TMEM170B: variants seen among roughly 807,000 people sequenced by gnomAD.
The protein encoded by TMEM170B is transmembrane protein 170B.
A neutral mutation model predicts 13.0 loss-of-function variants in TMEM170B; 6 were observed. The observed-to-expected ratio is 0.46, with a 90% CI of 0.25 to 0.91. The LOEUF is 0.91. Among genes scored for constraint, TMEM170B ranks in the 40% least tolerant of loss-of-function variants. TMEM170B has a pLI of 0.17. For missense variants in TMEM170B, 138 were observed against 165.2 expected (o/e 0.84, Z 0.90); for synonymous variants, 61 against 64.9 (o/e 0.94, Z 0.29).
intron 1 of TMEM170B, among the ~76,000 whole-genome samples, chr6:11,548,765 C>T (rs1347758854): frequency 1.3e-5 from 2 of 152,084 alleles, no homozygotes; most frequent in African/African-American, 4.8e-5. Flanking sequence ...GAGTTCATGT[C>T]CTTTGTAGGG....
At position 11,545,280 on chromosome 6, in the gene TMEM170B, C is replaced by CTCTCTG. The variant is rs1442789332; in HGVS notation, c.97+6907_97+6908insCTCTGT. On this transcript the variant is annotated intron_variant, in intron 1 of 2. Transcript: ENST00000379426. ...TTAAAAGGCTTCTCTCTCTCTCTCT[C>CTCTCTG]TGTGTGTGTGTGTGTGTGTGTGTGT... Among the ~76,000 whole-genome samples, 1,193 of 139,784 alleles carry CTCTCTG rather than the reference C, an allele frequency of 8.5e-3. 14 individuals carry two copies. Among genetic ancestry groups the CTCTCTG allele is most frequent in the African/African-American group, 0.029 (1,083 of 37,346 alleles). 91.7% of individuals were successfully genotyped at this position (139,784 alleles called of 152,430 possible).
intron 1 of TMEM170B, among the ~76,000 whole-genome samples, chr6:11,552,923 G>A (rs1212732773): frequency 6.6e-6 from 1 of 152,168 alleles, no homozygotes; most frequent in Non-Finnish European, 1.5e-5. Context: ...TGTGGTCTGG[G>A]TTGTAAATCA....
At chr6:11,539,553 C>G (rs1759331777) in intron 1 of TMEM170B, among the ~76,000 whole-genome samples, 1 of 152,124 alleles carries the variant, frequency 6.6e-6, no homozygotes. Context: ...CTGGTTTCTT[C>G]GAATGGAAAC....
rs1171412446 is a variant in TMEM170B at position 11,580,981 on chromosome 6, GTGT to G, written c.*5425_*5427del. The G allele has an allele frequency of 4.6e-5, 7 of 152,328 alleles. No homozygotes were observed. Among genetic ancestry groups the G allele is most frequent in the African/African-American group, 1.7e-4 (7 of 41,578 alleles). The allele number at this position is 152,328 out of a possible 1,614,324, so 9.4% of individuals were successfully genotyped here. On this transcript the variant is annotated 3_prime_UTR_variant, in exon 3 of 3. Coordinates refer to ENST00000379426, the MANE Select transcript of TMEM170B (RefSeq NM_001100829.3). ...AGCTCTGGTCTGTGTAGGCAGTACA[GTGT>G]TGTTAGGGAGGTTGCTGAATTATCT...
In TMEM170B at chr6:11,582,794, A is replaced by G. The variant is rs888643807; in HGVS notation, c.*7233A>G. 1 of 152,192 alleles carries G rather than the reference A, an allele frequency of 6.6e-6. No homozygotes were observed. Among genetic ancestry groups the G allele is most frequent in the South Asian group, 2.1e-4 (1 of 4,830 alleles). The allele number at this position is 152,192 out of a possible 1,614,324, so 9.4% of individuals were successfully genotyped here. On this transcript the variant is annotated 3_prime_UTR_variant, in exon 3 of 3. Coordinates refer to ENST00000379426, the MANE Select transcript of TMEM170B (RefSeq NM_001100829.3). ...ATAAATGTTGGAGGGGTAATACACA[A>G]AAACAAAGGCATATTTGATGAAGTA...
At chr6:11,547,769 C>G (rs1561907525) in intron 1 of TMEM170B, among the ~76,000 whole-genome samples, 1 of 152,110 alleles carries the variant, frequency 6.6e-6, no homozygotes, top group Non-Finnish European at 1.5e-5. Flanking sequence ...TTCATATCCT[C>G]TAGCAATACC....
rs143594666 is a variant in TMEM170B, at chr6:11,556,978, A to G, written c.98-8688A>G. On this transcript the variant is annotated intron_variant, in intron 1 of 2. Transcript: ENST00000379426. ...CTATGATCCAGTCTTTCCAGGGAGC[A>G]CTCAGTAGAGACCTGTGGAAAAGCA... 1.1e-3 allele frequency among the ~76,000 whole-genome samples: 171 copies of G among 152,238 alleles called. 3 individuals carry two copies. The East Asian group carries it at 0.025, about 23-fold the overall frequency.
rs142475670 is a variant in TMEM170B, at chr6:11,578,046, A to G, written c.*2485A>G. The stretch of plus-strand genomic sequence containing the variant: ...TATACACACACGTATATATCATTAT[A>G]TAGGTATATAGAGAGCTGCTATATA... On this transcript the variant is annotated 3_prime_UTR_variant, in exon 3 of 3. Coordinates refer to ENST00000379426, the MANE Select transcript of TMEM170B (RefSeq NM_001100829.3). The G allele has an allele frequency of 2.4e-4, 37 of 152,266 alleles. No homozygotes were observed. Among genetic ancestry groups the G allele is most frequent in the African/African-American group, 7.9e-4 (33 of 41,586 alleles). The allele number at this position is 152,266 out of a possible 1,614,324, so 9.4% of individuals were successfully genotyped here.
chr6:11,571,867 A>C (rs974088301), intron 2 of TMEM170B, among the ~76,000 whole-genome samples: 1 of 152,176 alleles, frequency 6.6e-6, no homozygotes, highest in Non-Finnish European at 1.5e-5. Flanking sequence ...CCGGTAGAAA[A>C]GTGAATAAAG....
At chr6:11,572,271 T>A (rs1422752969) in intron 2 of TMEM170B, among the ~76,000 whole-genome samples, 4 of 152,136 alleles carry the variant, frequency 2.6e-5, no homozygotes, top group Non-Finnish European at 5.9e-5. Context: ...CAAAGACATG[T>A]TGTTGGCCAT....
At chr6:11,572,089 A>G (rs947788311) in intron 2 of TMEM170B, among the ~76,000 whole-genome samples, 1 of 152,224 alleles carries the variant, frequency 6.6e-6, no homozygotes, top group African/African-American at 2.4e-5. Context: ...CAGCTAATTT[A>G]GAAAAATAAT....
In TMEM170B at chr6:11,575,477, C is replaced by G. The variant is rs1360141011; in HGVS notation, c.315C>G (p.Ala105=). ...GIYRVAGKNM[A]PLEALVWGVG... is the part of the protein sequence containing the mutation. ...ACAGAGTAGCTGGGAAGAACATGGCCCCTTTGGAAGCGCTGGTATGGGGCG... is the reference window on the plus strand; with the variant it reads ...ACAGAGTAGCTGGGAAGAACATGGCGCCTTTGGAAGCGCTGGTATGGGGCG... Residue 105 remains alanine, a synonymous_variant, in exon 3 of 3, where the codon GCC becomes GCG. Coordinates refer to ENST00000379426, the MANE Select transcript of TMEM170B (RefSeq NM_001100829.3). The surrounding 1 kb of genome is among the most constrained non-coding windows in gnomAD (Gnocchi z 4.1). 3.7e-6 allele frequency: 6 copies of G among 1,613,322 alleles called. No homozygotes were observed. Among genetic ancestry groups the G allele is most frequent in the Middle Eastern group, 3.3e-4 (2 of 6,040 alleles).
intron 1 of TMEM170B, among the ~76,000 whole-genome samples, chr6:11,553,051 T>C (rs1257176769): frequency 6.6e-6 from 1 of 152,110 alleles, no homozygotes; most frequent in Non-Finnish European, 1.5e-5. Flanking sequence ...GCTTCCTTAA[T>C]CTTAGTTTCG....
intron 1 of TMEM170B, among the ~76,000 whole-genome samples, chr6:11,546,747 C>T (rs189610951): frequency 6.6e-6 from 1 of 152,070 alleles, no homozygotes; most frequent in African/African-American, 2.4e-5. Flanking sequence ...ACCATATAGC[C>T]TAAATGGAAT....
intron 2 of TMEM170B, among the ~76,000 whole-genome samples, chr6:11,567,249 C>T (rs200526170): frequency 6.6e-6 from 1 of 152,178 alleles, no homozygotes; most frequent in Non-Finnish European, 1.5e-5. Context: ...TGCCAGGAAC[C>T]GGGTGCCTCT....
At position 11,538,045 on chromosome 6, in the gene TMEM170B, G is replaced by T. The variant is rs1759303451; in HGVS notation, c.-233G>T. Reference sequence around the variant, plus strand: ...GCCCCCTCCCCTCCTTCCTCCGTCCGCCGTCCTCAATGTCTCCCCGGCGGG... The same window carrying T: ...GCCCCCTCCCCTCCTTCCTCCGTCCTCCGTCCTCAATGTCTCCCCGGCGGG... On this transcript the variant is annotated 5_prime_UTR_variant, in exon 1 of 3. Transcript: ENST00000379426. Among the ~76,000 whole-genome samples the T allele has an allele frequency of 6.6e-6, 1 of 151,212 alleles. No homozygotes were observed.
In TMEM170B at chr6:11,576,764, A is replaced by G. The variant is rs998474313; in HGVS notation, c.*1203A>G. 6.6e-6 allele frequency: 1 copy of G among 152,174 alleles called. No individual in the cohort carries two copies. Among genetic ancestry groups the G allele is most frequent in the Non-Finnish European group, 1.5e-5 (1 of 67,992 alleles). The allele number at this position is 152,174 out of a possible 1,614,324, so 9.4% of individuals were successfully genotyped here. On this transcript the variant is annotated 3_prime_UTR_variant, in exon 3 of 3. Coordinates refer to ENST00000379426, the MANE Select transcript of TMEM170B (RefSeq NM_001100829.3). ...TTTGGCAATTAGTCTCAGCATATCAATGCAGTACTGAGCGTGTATTAGAGT... is the reference window on the plus strand; with the variant it reads ...TTTGGCAATTAGTCTCAGCATATCAGTGCAGTACTGAGCGTGTATTAGAGT...
At chr6:11,556,219 G>C (rs2113771103) in intron 1 of TMEM170B, among the ~76,000 whole-genome samples, 1 of 152,260 alleles carries the variant, frequency 6.6e-6, no homozygotes, top group Non-Finnish European at 1.5e-5. Flanking sequence ...GAGATGGTCT[G>C]TTGCTTCCGT....
chr6:11,569,019 C>A (rs1312893314), intron 2 of TMEM170B, among the ~76,000 whole-genome samples: 1 of 151,950 alleles, frequency 6.6e-6, no homozygotes, highest in African/African-American at 2.4e-5. Context: ...AAAGTAAGTT[C>A]TCATTGTTGG....
Sources: allele counts gnomAD v4.1 joint callset (sites outside exome capture counted in the v4.1 genomes callset), GRCh38; gene constraint gnomAD v4.1.1; non-coding constraint Gnocchi (gnomAD v3.1); transcripts MANE v1.5; gene names NCBI Gene and HGNC (gene_info 2026-07-23, HGNC 2026-07-21).